YWHAG: variants seen among roughly 807,000 people sequenced by gnomAD.
The protein encoded by YWHAG is tyrosine 3-monooxygenase/tryptophan 5-monooxygenase activation protein gamma.
In YWHAG, 1 loss-of-function variant was observed where a neutral mutation model predicts 23.3. That is an observed-to-expected ratio of 0.04 (90% CI 0.02 to 0.20). The LOEUF (loss-of-function observed/expected upper bound fraction) is 0.20. Among genes scored for constraint, YWHAG ranks in the 10% least tolerant of loss-of-function variants. The probability of loss-of-function intolerance (pLI) is 1.00; values close to 1 mark genes in which losing one functional copy is unlikely to be tolerated. For synonymous variants in YWHAG, 160 were observed against 144.0 expected, an observed-to-expected ratio of 1.11 and a Z score of -0.80; for missense variants, 151 against 338.6, an observed-to-expected ratio of 0.45 and a Z score of 4.35.
chr7:76,349,432 C>A (rs1236857727), intron 1 of YWHAG, among the ~76,000 whole-genome samples: 1 of 127,342 alleles, frequency 7.9e-6, no homozygotes, highest in African/African-American at 3.2e-5. Flanking sequence ...CACACACACA[C>A]ACACACACAC....
At chr7:76,348,885 A>C (rs1373803995) in intron 1 of YWHAG, among the ~76,000 whole-genome samples, 2 of 152,142 alleles carry the variant, frequency 1.3e-5, no homozygotes, top group Non-Finnish European at 2.9e-5. Context: ...TGAAAAAAAA[A>C]ATTTTAAGGC....
Position 76,358,983 on chromosome 7 carries a change from G to GGCGGCT in YWHAG, c.-181_-176dup, listed in dbSNP as rs559133884. On this transcript the variant is annotated 5_prime_UTR_variant, in exon 1 of 2. Coordinates refer to ENST00000307630, the MANE Select transcript of YWHAG (RefSeq NM_012479.4). ...GCTGCGACCGCGGGACCGGGCGCGAGGCGGCTGCGGCTGCTGTGCGTGCCA... is the reference window on the plus strand; with the variant it reads ...GCTGCGACCGCGGGACCGGGCGCGAGGCGGCTGCGGCTGCGGCTGCTGTGCGTGCCA... 3.4e-3 allele frequency: 1,723 copies of GGCGGCT among 501,110 alleles called. 43 individuals are homozygous for GGCGGCT. The East Asian group carries it at 0.048, about 14-fold the overall frequency. The allele number at this position is 501,110 out of a possible 1,614,324, so 31.0% of individuals were successfully genotyped here. A position where few individuals can be genotyped will look rare whatever the true frequency, so the allele number is the denominator to read the frequency against.
chr7:76,343,152 G>A (rs1246495354), intron 1 of YWHAG, among the ~76,000 whole-genome samples: 1 of 152,002 alleles, frequency 6.6e-6, no homozygotes, highest in Non-Finnish European at 1.5e-5. Context: ...AAAAAATTAG[G>A]TTGTTATGTG....
intron 1 of YWHAG, among the ~76,000 whole-genome samples, chr7:76,340,297 C>G (rs1011325878): frequency 7.9e-5 from 12 of 152,202 alleles, no homozygotes; most frequent in Non-Finnish European, 4.4e-5. Context: ...CCTGTCCTTT[C>G]CCATAGTTAC....
At chr7:76,333,152 T>C (rs893454999) in intron 1 of YWHAG, among the ~76,000 whole-genome samples, 1 of 152,000 alleles carries the variant, frequency 6.6e-6, no homozygotes, top group African/African-American at 2.4e-5. Context: ...TATTTTTCTG[T>C]AGAGACAAGG....
intron 1 of YWHAG, among the ~76,000 whole-genome samples, chr7:76,347,020 T>G (rs1207847363): frequency 6.6e-6 from 1 of 152,130 alleles, no homozygotes; most frequent in African/African-American, 2.4e-5. Context: ...GCCTGGCTAT[T>G]CCTTCCTCCA....
At position 76,328,003 on chromosome 7, in the gene YWHAG, C is replaced by T. The variant is rs980289148; in HGVS notation, c.*1574G>A. The T allele has an allele frequency of 2.0e-5, 3 of 152,030 alleles. No homozygotes were observed. The highest frequency in any genetic ancestry group is 2.9e-5 in the Non-Finnish European group (2 of 68,020). 9.4% of individuals were successfully genotyped at this position (152,030 alleles called of 1,614,324 possible). On this transcript the variant is annotated 3_prime_UTR_variant, in exon 2 of 2. Coordinates refer to ENST00000307630, the MANE Select transcript of YWHAG (RefSeq NM_012479.4). ...TCAGTTTTTCCTCAATTACTCACAC[C>T]TCTTCTTGCCTAAATAAAACAAAGA...
rs1583997898 is a variant in YWHAG, at chr7:76,358,870, G to A, written c.-62C>T. The A allele has an allele frequency of 6.7e-6, 10 of 1,491,570 alleles. No homozygotes were observed. Among genetic ancestry groups the A allele is most frequent in the Non-Finnish European group, 6.3e-6 (7 of 1,104,548 alleles). The allele number at this position is 1,491,570 out of a possible 1,614,324, so 92.4% of individuals were successfully genotyped here. ...ACACTGGGGCGGCCTGAAGGGCTTGGAGGGCGCGACTGGAGCCCAAGTGCC... is the reference window on the plus strand; with the variant it reads ...ACACTGGGGCGGCCTGAAGGGCTTGAAGGGCGCGACTGGAGCCCAAGTGCC... On this transcript the variant is annotated 5_prime_UTR_variant, in exon 1 of 2. Coordinates refer to ENST00000307630, the MANE Select transcript of YWHAG (RefSeq NM_012479.4).
At chr7:76,358,099 A>C (rs1265348132) in intron 1 of YWHAG, among the ~76,000 whole-genome samples, 1 of 152,218 alleles carries the variant, frequency 6.6e-6, no homozygotes, top group Admixed American at 6.5e-5. Flanking sequence ...ATGGAGAAAG[A>C]AGAGCCTTTT....
rs1439613878 is a variant in YWHAG, at chr7:76,330,080, T to C, written c.241A>G (p.Met81Val). 1 of 1,614,134 alleles carries C rather than the reference T, an allele frequency of 6.2e-7. No homozygotes were observed. The highest frequency in any genetic ancestry group is 8.5e-7 in the Non-Finnish European group (1 of 1,180,018). The change falls in exon 2 of 2, where the codon ATG (methionine) becomes GTG (valine). Residue 81 changes from methionine (M) to valine (V), a missense_variant. By Grantham distance (21) the Met-to-Val change is conservative. Coordinates refer to ENST00000307630, the MANE Select transcript of YWHAG (RefSeq NM_012479.4). ...ATCTTCTCCCGGTACGCACGGACCA[T>C]CTCAATCTTCTTCTCATTGCCGTCT... Reference protein sequence around the residue: ...SADGNEKKIEMVRAYREKIEK... With the variant: ...SADGNEKKIEVVRAYREKIEK...
At chr7:76,358,312 GAA>G (rs573625989) in intron 1 of YWHAG, among the ~76,000 whole-genome samples, 38 of 152,314 alleles carry the variant, frequency 2.5e-4, no homozygotes, top group East Asian at 1.4e-3. Context: ...ACCAGGGAGA[GAA>G]AGAGGAACCG....
chr7:76,326,866 T>C lies in YWHAG; in HGVS notation c.*2711A>G, dbSNP rs1286080998. ...AATGACTCACATTCATGATATTCCA[T>C]CACTGAGGAAACTGCTAAAGATGGT... On this transcript the variant is annotated 3_prime_UTR_variant, in exon 2 of 2. Transcript: ENST00000307630. The C allele has an allele frequency of 6.6e-6, 1 of 152,616 alleles. No individual in the cohort carries two copies. Among genetic ancestry groups the C allele is most frequent in the African/African-American group, 2.4e-5 (1 of 41,426 alleles). The allele number at this position is 152,616 out of a possible 1,614,324, so 9.5% of individuals were successfully genotyped here. A position where few individuals can be genotyped will look rare whatever the true frequency, so the allele number is the denominator to read the frequency against.
chr7:76,347,014 G>A (rs1251067154), intron 1 of YWHAG, among the ~76,000 whole-genome samples: 1 of 152,034 alleles, frequency 6.6e-6, no homozygotes, highest in African/African-American at 2.4e-5. Context: ...CCCTCTGCCT[G>A]GCTATTCCTT....
At chr7:76,347,545 C>T (rs1803798546) in intron 1 of YWHAG, among the ~76,000 whole-genome samples, 1 of 152,042 alleles carries the variant, frequency 6.6e-6, no homozygotes, top group South Asian at 2.1e-4. Flanking sequence ...GAGATCGTGC[C>T]ATTGAACTCC....
chr7:76,343,374 CAG>C (rs1295801669), intron 1 of YWHAG, among the ~76,000 whole-genome samples: 3 of 152,232 alleles, frequency 2.0e-5, no homozygotes, highest in Non-Finnish European at 2.9e-5. Context: ...CCACCAGACT[CAG>C]ACTCTTCCCA....
Position 76,328,749 on chromosome 7 carries a change from A to G in YWHAG, c.*828T>C, listed in dbSNP as rs1803493073. The G allele has an allele frequency of 6.6e-6, 1 of 151,922 alleles. No homozygotes were observed. Among genetic ancestry groups the G allele is most frequent in the Admixed American group, 6.6e-5 (1 of 15,240 alleles). The allele number at this position is 151,922 out of a possible 1,614,324, so 9.4% of individuals were successfully genotyped here. ...TTTGTGGCGTTTCACGTTTCTCTCA[A>G]GAGGATTAATAATTTTGGTGGTGGA... is the stretch of plus-strand genomic sequence containing the variant. On this transcript the variant is annotated 3_prime_UTR_variant, in exon 2 of 2. Coordinates refer to ENST00000307630, the MANE Select transcript of YWHAG (RefSeq NM_012479.4).
At chr7:76,338,810 G>A (rs538746254) in intron 1 of YWHAG, among the ~76,000 whole-genome samples, 16 of 152,314 alleles carry the variant, frequency 1.1e-4, no homozygotes, top group African/African-American at 3.8e-4. Flanking sequence ...TGAAGGTGAC[G>A]GTGTGGGTAA....
intron 1 of YWHAG, among the ~76,000 whole-genome samples, chr7:76,338,032 C>G (rs1803640767): frequency 6.6e-6 from 1 of 151,872 alleles, no homozygotes; most frequent in Admixed American, 6.6e-5. Context: ...CACTACTTAT[C>G]AAATAATTAA....
chr7:76,341,110 G>T (rs1239637570), intron 1 of YWHAG, among the ~76,000 whole-genome samples: 1 of 152,184 alleles, frequency 6.6e-6, no homozygotes, highest in Non-Finnish European at 1.5e-5. Flanking sequence ...TCTTGTACAG[G>T]GGCTGGGAGG....
Sources: gnomAD v4.1 joint callset for allele counts (sites outside exome capture counted in the v4.1 genomes callset) on GRCh38, gnomAD v4.1.1 for gene constraint, MANE v1.5 for transcripts, NCBI Gene and HGNC (gene_info 2026-07-23, HGNC 2026-07-21) for gene names.